The following MMS19 variants were observed in gnomAD, a reference collection of about 807,000 sequenced individuals.
MMS19 encodes the protein MMS19 cytosolic iron-sulfur assembly component.
A neutral mutation model predicts 129.8 loss-of-function variants in MMS19; 77 were observed. The ratio of observed to expected loss-of-function variants is 0.59; its 90% confidence interval spans 0.49 to 0.72. The LOEUF is 0.72. Ranked by LOEUF, MMS19 falls within the 30% of genes least tolerant of loss-of-function variation. The pLI, the probability that MMS19 is intolerant of heterozygous loss-of-function variation, is 0.00. For synonymous variants in MMS19, 491 were observed against 502.8 expected (o/e 0.98, Z 0.31); for missense variants, 1,168 against 1,266.3 (o/e 0.92, Z 1.18).
chr10:97,467,352 T>C (rs2033724385), intron 14 of MMS19, among the ~76,000 whole-genome samples, 153 bp downstream of exon 14: 1 of 152,170 alleles, frequency 6.6e-6, no homozygotes, highest in African/African-American at 2.4e-5. Context: ...ACAGATCTCA[T>C]CCATCTCATC....
intron 9 of MMS19, 138 bp downstream of exon 9, chr10:97,470,637 T>C (rs2034494242): frequency 1.7e-6 from 1 of 599,120 alleles, no homozygotes; most frequent in African/African-American, 1.9e-5. Flanking sequence ...GGTCTGAAGA[T>C]ACCTGCCACA....
intron 19 of MMS19, 100 bp from the exon 20 acceptor site, chr10:97,462,782 C>G (rs1271708167): frequency 2.3e-6 from 2 of 862,972 alleles, no homozygotes; most frequent in Non-Finnish European, 3.8e-6. Context: ...GGGCTTGACT[C>G]TAGCCACGAC....
chr10:97,470,265 A>AGGGTTG, intron 9 of MMS19, 62 bp from the exon 10 acceptor site: 1 of 1,177,410 alleles, frequency 8.5e-7, no homozygotes, highest in Non-Finnish European at 1.2e-6. Flanking sequence ...CATCAAGGTC[A>AGGGTTG]ACCCTGTCCT....
upstream of MMS19, chr10:97,498,513 G>A (rs1157918648): frequency 1.2e-5 from 16 of 1,385,882 alleles, no homozygotes; most frequent in Admixed American, 2.8e-4. Context: ...GTGCCTGCCG[G>A]CTTCTGCCTA....
intron 1 of MMS19, 58 bp from the exon 2 acceptor site, chr10:97,484,209 G>C: frequency 8.7e-7 from 1 of 1,147,362 alleles, no homozygotes; most frequent in Non-Finnish European, 1.2e-6. Flanking sequence ...CCAAAGGGTT[G>C]AATAACACTA....
At chr10:97,475,486 C>T (rs1450100510) in intron 8 of MMS19, among the ~76,000 whole-genome samples, 1 of 152,226 alleles carries the variant, frequency 6.6e-6, no homozygotes, top group African/African-American at 2.4e-5. Flanking sequence ...CCTGTAATCC[C>T]AGCACTTTGG....
At position 97,465,828 on chromosome 10, in the gene MMS19, T is replaced by C; in HGVS notation, c.1733A>G (p.Gln578Arg). 6.2e-7 allele frequency: 1 copy of C among 1,613,598 alleles called. No homozygotes were observed. The highest frequency in any genetic ancestry group is 8.5e-7 in the Non-Finnish European group (1 of 1,179,868). The change falls in exon 18 of 31, where the codon CAG (glutamine) becomes CGG (arginine). Residue 578 changes from glutamine (Q) to arginine (R), a missense_variant. This residue lies in a region of MMS19 where 831 missense variants were observed against 910.8 expected (regional missense o/e 0.91). Coordinates refer to ENST00000438925, the MANE Select transcript of MMS19 (RefSeq NM_022362.5). ...ACCTCTGTTCACTTGCCAGAGATGC[T>C]GCAGCAGCAGAGGCAGTGTCTCCTT... ...IVKETLPLLL[Q>R]HLWQVNRGNM...
chr10:97,489,125 G>A (rs2038428062), intron 1 of MMS19, among the ~76,000 whole-genome samples: 1 of 152,220 alleles, frequency 6.6e-6, no homozygotes, highest in Non-Finnish European at 1.5e-5. Flanking sequence ...ACAGACATGA[G>A]CCAACACACC....
chr10:97,477,753 A>G lies in MMS19; in HGVS notation c.423+102T>C. 1.4e-5 allele frequency: 11 copies of G among 809,666 alleles called. No individual in the cohort carries two copies. In the South Asian group the frequency reaches 1.9e-4, roughly 14 times the overall value. The allele number at this position is 809,666 out of a possible 1,614,324, so 50.2% of individuals were successfully genotyped here. A position where few individuals can be genotyped will look rare whatever the true frequency, so the allele number is the denominator to read the frequency against. ...AGCATAAAAACATTCACAAGATCCAAAAGAATTCAGAACTTAGAAGGCAAT... is the reference window on the plus strand; with the variant it reads ...AGCATAAAAACATTCACAAGATCCAGAAGAATTCAGAACTTAGAAGGCAAT... On this transcript the variant is annotated intron_variant, in intron 5 of 30. Transcript: ENST00000438925.
chr10:97,479,415 C>T (rs549226390), intron 3 of MMS19, among the ~76,000 whole-genome samples: 62 of 152,156 alleles, frequency 4.1e-4, no homozygotes, highest in Non-Finnish European at 8.2e-4. Flanking sequence ...GCTGCTGTTC[C>T]CCATTCGACG....
intron 1 of MMS19, among the ~76,000 whole-genome samples, chr10:97,486,894 T>A (rs1450918957): frequency 3.0e-5 from 4 of 135,588 alleles, no homozygotes; most frequent in African/African-American, 8.1e-5. Flanking sequence ...TATATATATA[T>A]AAAATTAAGA....
At chr10:97,461,788 C>T in intron 22 of MMS19, 40 bp downstream of exon 22, 2 of 1,585,620 alleles carry the variant, frequency 1.3e-6, no homozygotes, top group South Asian at 2.3e-5. Context: ...GTCACCTTGT[C>T]AAGGTTAAAT....
At chr10:97,477,764 A>G in intron 5 of MMS19, 91 bp downstream of exon 5, 5 of 865,260 alleles carry the variant, frequency 5.8e-6, no homozygotes, top group Non-Finnish European at 8.9e-6. Flanking sequence ...AAGAATTCAG[A>G]ACTTAGAAGG....
At chr10:97,489,984 C>G (rs1320991983) in intron 1 of MMS19, among the ~76,000 whole-genome samples, 1 of 152,196 alleles carries the variant, frequency 6.6e-6, no homozygotes, top group African/African-American at 2.4e-5. Context: ...TACTACTTTT[C>G]TCTTTCTGGT....
chr10:97,471,903 A>G (rs182727340), intron 8 of MMS19, among the ~76,000 whole-genome samples: 95 of 152,356 alleles, frequency 6.2e-4, no homozygotes, highest in African/African-American at 2.1e-3. Context: ...ACAAAATAGA[A>G]AACAAAAGGT....
chr10:97,466,086 G>A lies in MMS19; in HGVS notation c.1579C>T (p.Pro527Ser), dbSNP rs891446412. 1 of 1,611,494 alleles carries A rather than the reference G, an allele frequency of 6.2e-7. No homozygotes were observed. The highest frequency in any genetic ancestry group is 1.3e-5 in the African/African-American group (1 of 74,896). Residue 527 changes from proline (P) to serine (S), a missense_variant, in exon 17 of 31, where the codon CCC becomes TCC. Around this residue, in one of 3 missense-constraint regions of MMS19, gnomAD observed 831 missense variants for 910.8 expected, o/e 0.91. Coordinates refer to ENST00000438925, the MANE Select transcript of MMS19 (RefSeq NM_022362.5). ...ACACGCAGCTCCTCAGCGAGCTTGGGTACGAGGTGGCTGCTGAAGGCCACA... is the reference window on the plus strand; with the variant it reads ...ACACGCAGCTCCTCAGCGAGCTTGGATACGAGGTGGCTGCTGAAGGCCACA... ...YPVAFSSHLV[P>S]KLAEELRVGE...
chr10:97,477,012 T>C (rs1012666725), intron 6 of MMS19, 49 bp from the exon 7 acceptor site: 3 of 1,610,034 alleles, frequency 1.9e-6, no homozygotes, highest in East Asian at 2.2e-5. Flanking sequence ...GCACAGAAAG[T>C]GTGGGCTTTC....
chr10:97,464,106 G>T, intron 18 of MMS19, 93 bp from the exon 19 acceptor site: 1 of 1,165,260 alleles, frequency 8.6e-7, no homozygotes, highest in Non-Finnish European at 1.2e-6. Context: ...AAAGAAGAGT[G>T]ACTGAAGGGA....
intron 12 of MMS19, among the ~76,000 whole-genome samples, chr10:97,468,614 C>T (rs534987035): frequency 6.6e-6 from 1 of 152,010 alleles, no homozygotes; most frequent in Non-Finnish European, 1.5e-5. Flanking sequence ...TAAGGAATGT[C>T]ATTTGTTTTT....
Sources: allele counts gnomAD v4.1 joint callset (sites outside exome capture counted in the v4.1 genomes callset), GRCh38; gene constraint gnomAD v4.1.1; regional missense constraint gnomAD v4.1.1; transcripts MANE v1.5; gene names NCBI Gene and HGNC (gene_info 2026-07-23, HGNC 2026-07-21).